Variants in MTDH observed in about 807,000 individuals in gnomAD.
MTDH encodes protein LYRIC.
In MTDH, 34 loss-of-function variants were observed where a neutral mutation model predicts 72.7. The ratio of observed to expected loss-of-function variants is 0.47; its 90% CI spans 0.36 to 0.62. The LOEUF is 0.62. Among genes scored for constraint, MTDH ranks in the 20% least tolerant of loss-of-function variants. The pLI, the probability that MTDH is intolerant of heterozygous loss-of-function variation, is 0.00. For synonymous variants in MTDH, 266 were observed against 268.9 expected (o/e 0.99, Z 0.10); for missense variants, 677 against 699.4 (o/e 0.97, Z 0.36).
intron 1 of MTDH, among the ~76,000 whole-genome samples, chr8:97,655,416 A>G (rs540960966): frequency 6.6e-6 from 1 of 152,360 alleles, no homozygotes; most frequent in East Asian, 1.9e-4. Context: ...TAACATTACA[A>G]TGCTGCCTCT....
chr8:97,722,807 G>A, intron 10 of MTDH, 72 bp from the exon 11 acceptor site: 2 of 1,460,050 alleles, frequency 1.4e-6, no homozygotes, highest in Non-Finnish European at 9.2e-7. Context: ...CCACCTCTTG[G>A]TATTACTGTG....
At chr8:97,677,885 G>A (rs1013536136) in intron 2 of MTDH, among the ~76,000 whole-genome samples, 5 of 152,038 alleles carry the variant, frequency 3.3e-5, no homozygotes, top group Non-Finnish European at 5.9e-5. Context: ...CATTTCTTGA[G>A]GGTTTCTTAT....
At position 97,729,670 on chromosome 8, in the gene MTDH, G is replaced by GT. The variant is rs763880711; in HGVS notation, c.*5007dup. On this transcript the variant is annotated 3_prime_UTR_variant, in exon 12 of 12. Coordinates refer to ENST00000336273, the MANE Select transcript of MTDH (RefSeq NM_178812.4). The stretch of plus-strand genomic sequence containing the variant: ...TATGATAGTTTGCTTTTTGTTTTTT[G>GT]TTTTTTTCTAGAGACAGAGTCTCGT... Among the ~76,000 whole-genome samples the GT allele has an allele frequency of 3.9e-4, 59 of 151,732 alleles. No homozygotes were observed. Among genetic ancestry groups the GT allele is most frequent in the Non-Finnish European group, 6.8e-4 (46 of 67,922 alleles).
At chr8:97,645,441 C>G (rs1319757999) in intron 1 of MTDH, among the ~76,000 whole-genome samples, 2 of 152,126 alleles carry the variant, frequency 1.3e-5, no homozygotes, top group Non-Finnish European at 2.9e-5. Context: ...AAATGGTTGC[C>G]CATTCTTGTT....
intron 5 of MTDH, among the ~76,000 whole-genome samples, chr8:97,689,793 C>T (rs1223552864): frequency 1.3e-5 from 2 of 151,114 alleles, no homozygotes; most frequent in African/African-American, 4.9e-5. Context: ...CTGCAACCTC[C>T]ACCTCCCGGG....
At chr8:97,674,891 A>G (rs1812777750) in intron 2 of MTDH, among the ~76,000 whole-genome samples, 3 of 152,068 alleles carry the variant, frequency 2.0e-5, no homozygotes, top group South Asian at 2.1e-4. Context: ...GTTCACTGCA[A>G]CCTTGCCCTC....
intron 6 of MTDH, chr8:97,696,408 T>C: frequency 1.5e-5 from 6 of 410,600 alleles, no homozygotes; most frequent in Non-Finnish European, 1.6e-5. Flanking sequence ...ATAGCAGGTA[T>C]TATAAAGTGG....
chr8:97,710,006 C>A (rs1241659866), intron 8 of MTDH, among the ~76,000 whole-genome samples: 1 of 152,180 alleles, frequency 6.6e-6, no homozygotes, highest in Admixed American at 6.5e-5. Flanking sequence ...GAAGAAAGTC[C>A]TTGTGACCTG....
At chr8:97,671,793 G>A (rs1009146537) in intron 2 of MTDH, among the ~76,000 whole-genome samples, 8 of 152,122 alleles carry the variant, frequency 5.3e-5, no homozygotes, top group African/African-American at 1.9e-4. Flanking sequence ...GCAGTGAGCC[G>A]AGATCGTGCC....
chr8:97,668,213 G>C (rs1042526490), intron 2 of MTDH, among the ~76,000 whole-genome samples: 2 of 152,098 alleles, frequency 1.3e-5, no homozygotes, highest in Non-Finnish European at 2.9e-5. Context: ...CATGAACCCG[G>C]GAGGCGGAGC....
chr8:97,656,672 C>A (rs1811991650), intron 1 of MTDH, among the ~76,000 whole-genome samples: 1 of 151,752 alleles, frequency 6.6e-6, no homozygotes. Context: ...GTCCTTGTTC[C>A]TACAGTCCTT....
chr8:97,682,233 TATA>T (rs1813114808), intron 2 of MTDH, among the ~76,000 whole-genome samples: 2 of 1,668 alleles, frequency 1.2e-3, no homozygotes, highest in African/African-American at 4.4e-3. Flanking sequence ...AATTACTTTA[TATA>T]TATATATATA....
intron 2 of MTDH, among the ~76,000 whole-genome samples, chr8:97,684,139 CAAA>C (rs76185022): frequency 3.1e-5 from 2 of 63,506 alleles, no homozygotes; most frequent in African/African-American, 6.1e-5. Context: ...AACTCCTTCT[CAAA>C]AAAAAAAAAA....
Position 97,687,555 on chromosome 8 carries a change from C to T in MTDH, c.695C>T (p.Thr232Ile). 1 of 1,612,804 alleles carries T rather than the reference C, an allele frequency of 6.2e-7. No homozygotes were observed. The highest frequency in any genetic ancestry group is 8.5e-7 in the Non-Finnish European group (1 of 1,179,424). Residue 232 changes from threonine to isoleucine, a missense_variant, in exon 4 of 12, where the codon ACC (threonine) becomes ATC (isoleucine). Transcript: ENST00000336273. ...PGIENTITVT[T>I]EQLTTASFPV... ...ATAGAAAATACCATCACAGTTACCACCGAGCAACTTACAACCGCATCATTT... is the reference window on the plus strand; with the variant it reads ...ATAGAAAATACCATCACAGTTACCATCGAGCAACTTACAACCGCATCATTT...
intron 2 of MTDH, among the ~76,000 whole-genome samples, chr8:97,664,897 A>G (rs923085472): frequency 2.0e-5 from 3 of 152,024 alleles, no homozygotes; most frequent in Non-Finnish European, 4.4e-5. Flanking sequence ...AACCACTGGG[A>G]TTATAGGCAC....
At chr8:97,702,518 C>T (rs1303018674) in intron 7 of MTDH, among the ~76,000 whole-genome samples, 1 of 152,216 alleles carries the variant, frequency 6.6e-6, no homozygotes, top group African/African-American at 2.4e-5. Flanking sequence ...GCAGTAAGTA[C>T]TGCTGTTGGT....
chr8:97,723,914 C>G (rs542299061), intron 11 of MTDH, among the ~76,000 whole-genome samples: 1 of 151,960 alleles, frequency 6.6e-6, no homozygotes, highest in East Asian at 1.9e-4. Context: ...TCAAGACCAG[C>G]GTGGCCAACA....
intron 1 of MTDH, among the ~76,000 whole-genome samples, chr8:97,647,689 T>C (rs962332213): frequency 6.6e-6 from 1 of 152,218 alleles, no homozygotes. Flanking sequence ...CAGTGTATCT[T>C]GTTTACAAAT....
intron 8 of MTDH, among the ~76,000 whole-genome samples, chr8:97,710,737 C>T (rs1448833454): frequency 2.0e-5 from 3 of 149,766 alleles, no homozygotes; most frequent in African/African-American, 7.4e-5. Flanking sequence ...CGGTGGTTCA[C>T]GCCTGTAATC....
Sources: gnomAD v4.1 joint callset for allele counts (sites outside exome capture counted in the v4.1 genomes callset) on GRCh38, gnomAD v4.1.1 for gene constraint, MANE v1.5 for transcripts, NCBI Gene and HGNC (gene_info 2026-07-23, HGNC 2026-07-21) for gene names.